Variants in TEX55 observed in about 807,000 individuals in gnomAD.
TEX55 encodes testis-specific expressed protein 55.
In TEX55, 31 loss-of-function variants were observed where a neutral mutation model predicts 44.6. The observed-to-expected ratio is 0.69, with a 90% CI of 0.52 to 0.94. The LOEUF is 0.94. Among genes scored for constraint, TEX55 ranks in the 40% least tolerant of loss-of-function variants. The probability of loss-of-function intolerance (pLI) is 0.00; values close to 1 mark genes in which losing one functional copy is unlikely to be tolerated. For missense variants in TEX55, 639 were observed against 638.4 expected, an observed-to-expected ratio of 1.00 and a Z score of -0.01; for synonymous variants, 230 against 230.9, an observed-to-expected ratio of 1.00 and a Z score of 0.04.
At chr3:119,151,179 T>C (rs1576853671) in intron 2 of TEX55, 45 bp from the exon 3 acceptor site, 8 of 1,003,294 alleles carry the variant, frequency 8.0e-6, no homozygotes, top group Non-Finnish European at 1.0e-5. Context: ...GACCACATAA[T>C]TTTGCTCAGA....
Position 119,146,307 on chromosome 3 carries a change from G to A in TEX55, c.118G>A (p.Glu40Lys), listed in dbSNP as rs755399352. 1.9e-6 allele frequency: 3 copies of A among 1,614,140 alleles called. No homozygotes were observed. Among genetic ancestry groups the A allele is most frequent in the South Asian group, 1.1e-5 (1 of 91,064 alleles). ...AGAAGACGACCAGAAGAACCAGGCC[G>A]AAAGGAAGGCAGATAACCACACTGC... ...QEEDDQKNQA[E>K]RKADNHTAHR... is the part of the protein sequence containing the mutation. The change falls in exon 1 of 3, where the codon GAA becomes AAA. Residue 40 changes from glutamate to lysine, a missense_variant. Physicochemically the swap from Glu to Lys is moderately conservative, Grantham distance 56. Coordinates refer to ENST00000295622, the MANE Select transcript of TEX55 (RefSeq NM_152539.3).
intron 2 of TEX55, among the ~76,000 whole-genome samples, chr3:119,149,216 G>A (rs2077758949): frequency 6.6e-6 from 1 of 151,720 alleles, no homozygotes; most frequent in Non-Finnish European, 1.5e-5. Flanking sequence ...ATACAAAAAT[G>A]TTTTTCTTTA....
intron 2 of TEX55, among the ~76,000 whole-genome samples, chr3:119,149,071 T>G (rs1427733561): frequency 6.6e-6 from 1 of 152,206 alleles, no homozygotes; most frequent in Non-Finnish European, 1.5e-5. Flanking sequence ...TAGGCTACAC[T>G]AAATTTTTTA....
chr3:119,147,246 C>G lies in TEX55; in HGVS notation c.1057C>G (p.Gln353Glu), dbSNP rs554707851. 5.5e-4 allele frequency: 887 copies of G among 1,614,202 alleles called. 13 individuals carry two copies. In the South Asian group the frequency reaches 9.0e-3, roughly 16 times the overall value. The change falls in exon 1 of 3, where the codon CAA (glutamine) becomes GAA (glutamate). Residue 353 changes from glutamine (Q) to glutamate (E), a missense_variant. Physicochemically the swap from Gln to Glu is conservative, Grantham distance 29. Transcript: ENST00000295622. ...CCAGACTGACCACTTAGCAGACAGA[C>G]AAGCTAATCATAAAGACCAGCTGTC... is the stretch of plus-strand genomic sequence containing the variant. ...SDQTDHLADR[Q>E]ANHKDQLSYY...
intron 2 of TEX55, 142 bp downstream of exon 2, chr3:119,148,465 C>A: frequency 2.6e-6 from 2 of 778,362 alleles, no homozygotes; most frequent in Non-Finnish European, 4.0e-6. Flanking sequence ...AAATGATAAA[C>A]ACCAAATAGA....
chr3:119,148,071 C>G, intron 1 of TEX55, 109 bp from the exon 2 acceptor site: 1 of 974,792 alleles, frequency 1.0e-6, no homozygotes, highest in Non-Finnish European at 1.5e-6. Flanking sequence ...TGTATTTTCT[C>G]CAACTCCTTG....
In TEX55 at chr3:119,146,753, A is replaced by G; in HGVS notation, c.564A>G (p.Arg188=). The G allele has an allele frequency of 6.2e-7, 1 of 1,614,048 alleles. No homozygotes were observed. Among genetic ancestry groups the G allele is most frequent in the South Asian group, 1.1e-5 (1 of 91,080 alleles). The part of the protein sequence containing the change: ...TDHRMAGQSE[R]RASEQMDRRM... ...ACAGAATGGCAGGCCAGTCTGAGAG[A>G]AGAGCTTCCGAGCAGATGGACCGCA... The change falls in exon 1 of 3, where the codon AGA becomes AGG. Residue 188 remains arginine (R), a synonymous_variant. Coordinates refer to ENST00000295622, the MANE Select transcript of TEX55 (RefSeq NM_152539.3).
In TEX55 at chr3:119,147,209, C is replaced by T; in HGVS notation, c.1020C>T (p.Tyr340=). ...ADQPPVDNAH[Y]TESDQTDHLA... is the part of the protein sequence containing the mutation. ...AACCTCCAGTTGACAATGCTCACTACACTGAATCTGACCAGACTGACCACT... is the reference window on the plus strand; with the variant it reads ...AACCTCCAGTTGACAATGCTCACTATACTGAATCTGACCAGACTGACCACT... Residue 340 remains tyrosine, a synonymous_variant, in exon 1 of 3, where the codon TAC becomes TAT. Transcript: ENST00000295622. 1 of 1,614,162 alleles carries T rather than the reference C, an allele frequency of 6.2e-7. No homozygotes were observed. The highest frequency in any genetic ancestry group is 8.5e-7 in the Non-Finnish European group (1 of 1,180,010).
intron 2 of TEX55, among the ~76,000 whole-genome samples, chr3:119,149,220 T>C (rs1463858998): frequency 3.3e-5 from 5 of 152,218 alleles, no homozygotes; most frequent in Admixed American, 2.0e-4. Flanking sequence ...AAAAATGTTT[T>C]TCTTTACATT....
chr3:119,146,278 AG>A lies in TEX55; in HGVS notation c.91del (p.Glu31LysfsTer21), dbSNP rs768382323. On this transcript the variant is annotated frameshift_variant, in exon 1 of 3. Transcript: ENST00000295622. LOFTEE classifies it high-confidence loss of function. ...APSSAGHTKG[Q>X]EEDDQKNQAE... ...TCAAGTGCTGGCCACACTAAGGGCC[AG>A]GAAGAAGACGACCAGAAGAACCAGG... The A allele has an allele frequency of 6.2e-7, 1 of 1,612,830 alleles. No homozygotes were observed. The highest frequency in any genetic ancestry group is 2.2e-5 in the East Asian group (1 of 44,578).
Position 119,146,182 on chromosome 3 carries a change from G to T in TEX55, c.-8G>T. The stretch of plus-strand genomic sequence containing the variant: ...GGCAACCTAGACCAGTCAGGGACGC[G>T]GCAGGAAATGGAAGAGCCTCCGCAA... On this transcript the variant is annotated 5_prime_UTR_variant, in exon 1 of 3. Transcript: ENST00000295622. 2.5e-6 allele frequency: 4 copies of T among 1,585,504 alleles called. No homozygotes were observed. Among genetic ancestry groups the T allele is most frequent in the South Asian group, 1.2e-5 (1 of 86,806 alleles).
In TEX55 at chr3:119,146,732, A is replaced by C. The variant is rs1015215561; in HGVS notation, c.543A>C (p.Arg181Ser). 4 of 1,614,036 alleles carry C rather than the reference A, an allele frequency of 2.5e-6. No individual in the cohort carries two copies. The African/African-American group carries it at 5.3e-5, about 22-fold the overall frequency. The change falls in exon 1 of 3, where the codon AGA becomes AGC. Residue 181 changes from arginine to serine, a missense_variant. Physicochemically the swap from Arg to Ser is moderately radical, Grantham distance 110 (BLOSUM62 -1). Coordinates refer to ENST00000295622, the MANE Select transcript of TEX55 (RefSeq NM_152539.3). ...GAGGTTCCAGACAGACCGACCACAG[A>C]ATGGCAGGCCAGTCTGAGAGAAGAG... ...DQRGSRQTDH[R>S]MAGQSERRAS...
intron 2 of TEX55, among the ~76,000 whole-genome samples, chr3:119,149,825 GCA>G (rs1238175683): frequency 3.9e-5 from 6 of 152,152 alleles, no homozygotes; most frequent in Non-Finnish European, 7.3e-5. Context: ...ATCTAAGAAG[GCA>G]CATTCTCTAG....
rs1321935244 is a variant in TEX55, at chr3:119,146,544, T to C, written c.355T>C (p.Ser119Pro). 5.0e-6 allele frequency: 8 copies of C among 1,613,904 alleles called. No homozygotes were observed. Among genetic ancestry groups the C allele is most frequent in the African/African-American group, 2.7e-5 (2 of 75,056 alleles). The change falls in exon 1 of 3, where the codon TCT (serine) becomes CCT (proline). Residue 119 changes from serine to proline, a missense_variant. Ser to Pro is a moderately conservative substitution (Grantham distance 74). Transcript: ENST00000295622. ...TPSEQTKGKA[S>P]SQANNVQHEQ... is the part of the protein sequence containing the mutation. ...GTCTGAACAGACTAAAGGCAAGGCA[T>C]CTAGCCAAGCTAATAATGTACAGCA...
chr3:119,151,106 T>C lies in TEX55; in HGVS notation c.1543-118T>C, dbSNP rs931520815. ...GGGTGACAGAGTGGGAACCCATCTC[T>C]GAAAAAAACAAAAGCTATGGTATGT... On this transcript the variant is annotated intron_variant, in intron 2 of 2. Transcript: ENST00000295622. 5 of 699,910 alleles carry C rather than the reference T, an allele frequency of 7.1e-6. No individual in the cohort carries two copies. In the African/African-American group the frequency reaches 9.0e-5, roughly 13 times the overall value. 43.4% of individuals were successfully genotyped at this position (699,910 alleles called of 1,614,324 possible). A position where few individuals can be genotyped will look rare whatever the true frequency, so the allele number is the denominator to read the frequency against.
intron 2 of TEX55, 148 bp downstream of exon 2, chr3:119,148,471 A>G: frequency 1.3e-6 from 1 of 761,946 alleles, no homozygotes; most frequent in South Asian, 2.0e-5. Flanking sequence ...TAAACACCAA[A>G]TAGATGATAC....
intron 1 of TEX55, 88 bp downstream of exon 1, chr3:119,147,675 G>A: frequency 9.5e-7 from 1 of 1,053,140 alleles, no homozygotes; most frequent in South Asian, 1.6e-5. Context: ...CAACGGAAGG[G>A]CACATGTTGC....
In TEX55 at chr3:119,146,271, A is replaced by G. The variant is rs930457205; in HGVS notation, c.82A>G (p.Lys28Glu). The G allele has an allele frequency of 6.2e-7, 1 of 1,613,746 alleles. No homozygotes were observed. The highest frequency in any genetic ancestry group is 1.3e-5 in the African/African-American group (1 of 75,030). ...CGCTCCCTCAAGTGCTGGCCACACT[A>G]AGGGCCAGGAAGAAGACGACCAGAA... ...PAAPSSAGHT[K>E]GQEEDDQKNQ... The change falls in exon 1 of 3, where the codon AAG becomes GAG. Residue 28 changes from lysine (K) to glutamate (E), a missense_variant. By Grantham distance (56) the Lys-to-Glu change is moderately conservative. Coordinates refer to ENST00000295622, the MANE Select transcript of TEX55 (RefSeq NM_152539.3).
At chr3:119,151,176 T>A in intron 2 of TEX55, 48 bp from the exon 3 acceptor site, 1 of 1,146,190 alleles carries the variant, frequency 8.7e-7, no homozygotes, top group Non-Finnish European at 1.3e-6. Flanking sequence ...CCTGACCACA[T>A]AATTTTGCTC....
Sources: gnomAD v4.1 joint callset for allele counts (sites outside exome capture counted in the v4.1 genomes callset) on GRCh38, gnomAD v4.1.1 for gene constraint, MANE v1.5 for transcripts, NCBI Gene and HGNC (gene_info 2026-07-23, HGNC 2026-07-21) for gene names.